Variants in KCNT2 observed in about 807,000 individuals in gnomAD.
KCNT2 encodes potassium sodium-activated channel subfamily T member 2.
A neutral mutation model predicts 153.8 loss-of-function variants in KCNT2; 67 were observed. The observed-to-expected ratio is 0.44, with a 90% CI of 0.36 to 0.53. The LOEUF (loss-of-function observed/expected upper bound fraction) is 0.53, where lower values mean the gene tolerates loss of function less well. KCNT2 is among the 20% of genes least tolerant of loss of function. KCNT2 has a pLI of 0.00. For missense variants in KCNT2, 975 were observed against 1,354.8 expected, an observed-to-expected ratio of 0.72 and a Z score of 4.40; for synonymous variants, 500 against 458.8, an observed-to-expected ratio of 1.09 and a Z score of -1.15.
At chr1:196,484,592 T>A (rs1330591941) in intron 3 of KCNT2, among the ~76,000 whole-genome samples, 1 of 152,144 alleles carries the variant, frequency 6.6e-6, no homozygotes, top group African/African-American at 2.4e-5. Context: ...TGTCATGAAG[T>A]CTTTGCCCAT....
In KCNT2 at chr1:196,262,628, T is replaced by TA. The variant is rs1348006954; in HGVS notation, c.2911-4135dup. On this transcript the variant is annotated intron_variant, in intron 25 of 27. Transcript: ENST00000294725. ...TCTGAGTTCACTGAAAGCTTATTTT[T>TA]ATTTAAAAAAAAATCTAAAGAAAGA... is the stretch of plus-strand genomic sequence containing the variant. 2.0e-5 allele frequency among the ~76,000 whole-genome samples: 3 copies of TA among 151,964 alleles called. No individual in the cohort carries two copies. In the East Asian group the frequency reaches 5.8e-4, roughly 29 times the overall value.
At chr1:196,478,655 C>T (rs764039179) in intron 5 of KCNT2, among the ~76,000 whole-genome samples, 4 of 152,120 alleles carry the variant, frequency 2.6e-5, no homozygotes, top group Non-Finnish European at 4.4e-5. Flanking sequence ...TTATATGCTG[C>T]TTGTATTATT....
chr1:196,443,256 T>C (rs1675399132), intron 8 of KCNT2, among the ~76,000 whole-genome samples: 1 of 151,570 alleles, frequency 6.6e-6, no homozygotes, highest in Non-Finnish European at 1.5e-5. Context: ...ACAAAAACAG[T>C]TGCATTTAAA....
chr1:196,242,592 A>C (rs1288107880), intron 26 of KCNT2, among the ~76,000 whole-genome samples: 1 of 152,154 alleles, frequency 6.6e-6, no homozygotes, highest in Non-Finnish European at 1.5e-5. Context: ...TCAGTTGATA[A>C]TTGTAATTTA....
chr1:196,498,039 G>A (rs925159515), intron 1 of KCNT2, among the ~76,000 whole-genome samples: 1 of 152,010 alleles, frequency 6.6e-6, no homozygotes, highest in Non-Finnish European at 1.5e-5. Flanking sequence ...TTTTCCTAAT[G>A]ATATCAACTA....
intron 14 of KCNT2, among the ~76,000 whole-genome samples, chr1:196,364,243 T>C (rs1337216697): frequency 8.5e-5 from 13 of 152,188 alleles, no homozygotes; most frequent in Non-Finnish European, 2.9e-5. Context: ...CTACTGGTTT[T>C]CCAAATTTTG....
At chr1:196,499,882 G>A (rs1279696419) in intron 1 of KCNT2, among the ~76,000 whole-genome samples, 1 of 152,104 alleles carries the variant, frequency 6.6e-6, no homozygotes, top group Non-Finnish European at 1.5e-5. Flanking sequence ...GGTGGCTCAT[G>A]TCTGTAATCC....
At chr1:196,520,092 A>T (rs1435317659) in intron 1 of KCNT2, among the ~76,000 whole-genome samples, 1 of 152,190 alleles carries the variant, frequency 6.6e-6, no homozygotes, top group East Asian at 1.9e-4. Flanking sequence ...GCAGCATATC[A>T]ATAAGCTAAT....
rs113892260 is a variant in KCNT2 at position 196,294,039 on chromosome 1, A to G, written c.2596-8281T>C. On this transcript the variant is annotated intron_variant, in intron 22 of 27. Transcript: ENST00000294725. ...ACATAACTGAGTCACAAAAAAGACA[A>G]TGGACCTACAGAAACACCTCTCAAA... is the stretch of plus-strand genomic sequence containing the variant. 1.3e-3 allele frequency among the ~76,000 whole-genome samples: 200 copies of G among 152,288 alleles called. 1 individual carries two copies. Among genetic ancestry groups the G allele is most frequent in the African/African-American group, 4.7e-3 (195 of 41,564 alleles).
chr1:196,592,745 A>C (rs963063032), intron 1 of KCNT2, among the ~76,000 whole-genome samples: 8 of 147,652 alleles, frequency 5.4e-5, no homozygotes, highest in African/African-American at 1.5e-4. Context: ...ATATATAGTC[A>C]GAAAGAATGA....
chr1:196,545,635 A>T (rs773532597), intron 1 of KCNT2, among the ~76,000 whole-genome samples: 1 of 152,048 alleles, frequency 6.6e-6, no homozygotes, highest in Non-Finnish European at 1.5e-5. Flanking sequence ...AGAGTCATGC[A>T]ATCATCACCA....
intron 14 of KCNT2, among the ~76,000 whole-genome samples, chr1:196,369,591 C>CAT (rs1668342823): frequency 6.6e-6 from 1 of 151,496 alleles, no homozygotes; most frequent in Non-Finnish European, 1.5e-5. Flanking sequence ...TTTTTTGTTC[C>CAT]TGCGATAGTT....
At chr1:196,310,092 A>T (rs1353094726) in intron 21 of KCNT2, among the ~76,000 whole-genome samples, 7 of 151,858 alleles carry the variant, frequency 4.6e-5, no homozygotes, top group Non-Finnish European at 1.0e-4. Context: ...GAACTCTGAA[A>T]CTAGCTGTAT....
chr1:196,386,944 CAG>C (rs1470958454), intron 13 of KCNT2, among the ~76,000 whole-genome samples: 7 of 151,944 alleles, frequency 4.6e-5, no homozygotes, highest in African/African-American at 1.7e-4. Context: ...ATTTCACTAA[CAG>C]TAACTGATAT....
At chr1:196,236,496 T>C (rs1230402460) in intron 26 of KCNT2, among the ~76,000 whole-genome samples, 1 of 151,456 alleles carries the variant, frequency 6.6e-6, no homozygotes, top group Non-Finnish European at 1.5e-5. Flanking sequence ...TATAATTACA[T>C]TATGTTTAGA....
chr1:196,515,409 C>T (rs189645976), intron 1 of KCNT2, among the ~76,000 whole-genome samples: 4 of 152,220 alleles, frequency 2.6e-5, no homozygotes, highest in African/African-American at 9.6e-5. Flanking sequence ...TTGCTTACAA[C>T]CTTAGTACTT....
intron 1 of KCNT2, among the ~76,000 whole-genome samples, chr1:196,501,239 A>C (rs1343768074): frequency 6.6e-6 from 1 of 152,156 alleles, no homozygotes; most frequent in African/African-American, 2.4e-5. Flanking sequence ...TATTATATCA[A>C]AAAGATACAA....
At chr1:196,504,599 C>G (rs1271382643) in intron 1 of KCNT2, among the ~76,000 whole-genome samples, 1 of 152,106 alleles carries the variant, frequency 6.6e-6, no homozygotes, top group Non-Finnish European at 1.5e-5. Flanking sequence ...GGTATATACC[C>G]AGTAATGAGA....
At chr1:196,448,634 C>T (rs1169671592) in intron 8 of KCNT2, among the ~76,000 whole-genome samples, 1 of 151,454 alleles carries the variant, frequency 6.6e-6, no homozygotes, top group Non-Finnish European at 1.5e-5. Context: ...TATAATAATC[C>T]AATTTCATGT....
Sources: allele counts gnomAD v4.1 joint callset (sites outside exome capture counted in the v4.1 genomes callset), GRCh38; gene constraint gnomAD v4.1.1; transcripts MANE v1.5; gene names NCBI Gene and HGNC (gene_info 2026-07-23, HGNC 2026-07-21).